The following NFX1 variants were observed in gnomAD, a reference collection of about 807,000 sequenced individuals.
The protein encoded by NFX1 is nuclear transcription factor, X-box binding 1, also known as transcriptional repressor NF-X1.
NFX1 carries 69 observed loss-of-function variants against 137.2 expected under a neutral mutation model. The ratio of observed to expected loss-of-function variants is 0.50; its 90% CI spans 0.41 to 0.61. The LOEUF is 0.61. Among genes scored for constraint, NFX1 ranks in the 20% least tolerant of loss-of-function variants. The pLI is 0.00. For synonymous variants in NFX1, 495 were observed against 474.1 expected (o/e 1.04, Z -0.57); for missense variants, 1,167 against 1,391.0 (o/e 0.84, Z 2.56).
chr9:33,311,220 A>C (rs371433824), intron 6 of NFX1, 43 bp downstream of exon 6: 36 of 1,527,970 alleles, frequency 2.4e-5, no homozygotes, highest in Middle Eastern at 3.4e-4. Flanking sequence ...CAGTTTTCAC[A>C]TGCATGATTG....
chr9:33,354,043 G>A (rs1201932766), intron 17 of NFX1, 43 bp from the exon 18 acceptor site: 1 of 1,545,750 alleles, frequency 6.5e-7, no homozygotes, highest in Non-Finnish European at 8.8e-7. Context: ...AGGTTCTTGT[G>A]AAACTGCAAT....
intron 15 of NFX1, among the ~76,000 whole-genome samples, chr9:33,350,015 C>A (rs1046644783): frequency 6.6e-6 from 1 of 151,790 alleles, no homozygotes; most frequent in Non-Finnish European, 1.5e-5. Context: ...TCAAAAAAAA[C>A]AAAACAGGCC....
chr9:33,344,100 A>G lies in NFX1; in HGVS notation c.2256A>G (p.Ala752=). 1.2e-6 allele frequency: 2 copies of G among 1,614,092 alleles called. No homozygotes were observed. The highest frequency in any genetic ancestry group is 8.5e-7 in the Non-Finnish European group (1 of 1,179,980). ...SFDELTCHCG[A]SVIYPPVPCG... is the part of the protein sequence containing the mutation. Reference sequence around the variant, plus strand: ...ATGAATTAACCTGCCATTGTGGTGCATCAGTGATTTACCCTCCAGTTCCCT... The same window carrying G: ...ATGAATTAACCTGCCATTGTGGTGCGTCAGTGATTTACCCTCCAGTTCCCT... Residue 752 remains alanine, a synonymous_variant, in exon 14 of 24, where the codon GCA becomes GCG. Transcript: ENST00000379540.
intron 13 of NFX1, among the ~76,000 whole-genome samples, chr9:33,343,700 G>T (rs908026105): frequency 7.9e-5 from 12 of 152,090 alleles, no homozygotes; most frequent in Admixed American, 3.9e-4. Flanking sequence ...AGCCCACATT[G>T]ATCATTTGGA....
intron 5 of NFX1, among the ~76,000 whole-genome samples, chr9:33,307,811 T>G (rs1821811096): frequency 6.8e-6 from 1 of 147,668 alleles, no homozygotes. Flanking sequence ...TTTTTTTTTT[T>G]TTTTGAGACA....
intron 11 of NFX1, among the ~76,000 whole-genome samples, chr9:33,338,094 C>A (rs1208141821): frequency 6.6e-6 from 1 of 151,156 alleles, no homozygotes; most frequent in Non-Finnish European, 1.5e-5. Context: ...TTGGCTCACA[C>A]CTGTAATCTC....
At chr9:33,299,193 A>G (rs541340514) in intron 2 of NFX1, among the ~76,000 whole-genome samples, 1 of 152,296 alleles carries the variant, frequency 6.6e-6, no homozygotes, top group South Asian at 2.1e-4. Context: ...GCACTGGTAT[A>G]ATCATATTAA....
At chr9:33,352,850 C>T in intron 17 of NFX1, 131 bp downstream of exon 17, 1 of 679,790 alleles carries the variant, frequency 1.5e-6, no homozygotes, top group Non-Finnish European at 2.6e-6. Context: ...CTGTTGTAAT[C>T]AGTTGTAAAC....
chr9:33,304,034 A>G (rs1159853502), intron 4 of NFX1, among the ~76,000 whole-genome samples: 6 of 152,236 alleles, frequency 3.9e-5, no homozygotes, highest in Non-Finnish European at 8.8e-5. Context: ...TGGGAGGCCA[A>G]GGTAGGTGGA....
chr9:33,306,153 C>T (rs562547451), intron 4 of NFX1, among the ~76,000 whole-genome samples: 1 of 152,030 alleles, frequency 6.6e-6, no homozygotes, highest in East Asian at 1.9e-4. Context: ...GAGGCAGGAA[C>T]AGGAGAGCGA....
chr9:33,352,800 AAGTGAAGC>A, intron 17 of NFX1, 81 bp downstream of exon 17: 1 of 1,206,808 alleles, frequency 8.3e-7, no homozygotes, highest in Middle Eastern at 1.9e-4. Flanking sequence ...AAAGCTAGTC[AAGTGAAGC>A]AGTGGGAGTG....
At chr9:33,297,232 G>T (rs1175729236) in intron 2 of NFX1, among the ~76,000 whole-genome samples, 1 of 152,064 alleles carries the variant, frequency 6.6e-6, no homozygotes, top group Non-Finnish European at 1.5e-5. Context: ...CTTCCTCCTG[G>T]ACCTTCACTA....
At chr9:33,342,897 A>G in intron 13 of NFX1, 43 bp downstream of exon 13, 1 of 1,258,324 alleles carries the variant, frequency 7.9e-7, no homozygotes, top group Non-Finnish European at 1.1e-6. Flanking sequence ...AGTTTTTTAG[A>G]AATTCAGACA....
At chr9:33,365,752 T>G (rs1214115147) in intron 21 of NFX1, 1 of 152,258 alleles carries the variant, frequency 6.6e-6, no homozygotes, top group East Asian at 1.9e-4. Context: ...GCCCCTCAGA[T>G]CTTTGAAGGG....
At chr9:33,293,390 C>G (rs764974514) in intron 1 of NFX1, among the ~76,000 whole-genome samples, 13 of 152,222 alleles carry the variant, frequency 8.5e-5, no homozygotes, top group Non-Finnish European at 1.6e-4. Flanking sequence ...TTCAGATCCT[C>G]TGTAGTCCTA....
chr9:33,354,565 G>A (rs1432346828), intron 18 of NFX1, among the ~76,000 whole-genome samples: 1 of 152,200 alleles, frequency 6.6e-6, no homozygotes, highest in Non-Finnish European at 1.5e-5. Context: ...GCCACTGGAG[G>A]ACTCCTAGAC....
chr9:33,316,125 C>G (rs952609738), intron 7 of NFX1, among the ~76,000 whole-genome samples: 3 of 152,122 alleles, frequency 2.0e-5, no homozygotes, highest in African/African-American at 7.2e-5. Context: ...CTGACCCTGC[C>G]TGTGGGTGCT....
intron 11 of NFX1, 45 bp from the exon 12 acceptor site, chr9:33,338,465 T>C: frequency 6.6e-7 from 1 of 1,525,444 alleles, no homozygotes; most frequent in Non-Finnish European, 9.1e-7. Context: ...TGAATGTTCA[T>C]ATCCTTTGTC....
intron 9 of NFX1, among the ~76,000 whole-genome samples, chr9:33,327,945 A>T (rs940487662): frequency 3.3e-5 from 5 of 152,164 alleles, no homozygotes; most frequent in Non-Finnish European, 5.9e-5. Flanking sequence ...CCATGGCTAC[A>T]GTTTTAGGGA....
Sources: allele counts gnomAD v4.1 joint callset (sites outside exome capture counted in the v4.1 genomes callset), GRCh38; gene constraint gnomAD v4.1.1; transcripts MANE v1.5; gene names NCBI Gene and HGNC (gene_info 2026-07-23, HGNC 2026-07-21).